CPNE8: variants seen among roughly 807,000 people sequenced by gnomAD.
CPNE8 encodes copine 8.
CPNE8 carries 45 observed loss-of-function variants against 81.5 expected under a neutral mutation model. The ratio of observed to expected loss-of-function variants is 0.55; its 90% CI spans 0.44 to 0.71. The LOEUF (loss-of-function observed/expected upper bound fraction) is 0.71, where lower values mean the gene tolerates loss of function less well. Among genes scored for constraint, CPNE8 ranks in the 30% least tolerant of loss-of-function variants. The pLI, the probability that CPNE8 is intolerant of heterozygous loss-of-function variation, is 0.00. For synonymous variants in CPNE8, 252 were observed against 226.3 expected (o/e 1.11, Z -1.02); for missense variants, 594 against 672.1 (o/e 0.88, Z 1.28).
intron 10 of CPNE8, among the ~76,000 whole-genome samples, chr12:38,730,635 A>G (rs1218755845): frequency 6.6e-6 from 1 of 151,678 alleles, no homozygotes; most frequent in East Asian, 1.9e-4. Flanking sequence ...TTGATAACAC[A>G]TTTCTCAAAA....
At chr12:38,658,504 A>C (rs1046842173) in intron 19 of CPNE8, among the ~76,000 whole-genome samples, 1 of 152,234 alleles carries the variant, frequency 6.6e-6, no homozygotes, top group African/African-American at 2.4e-5. Context: ...GAACTTCCCC[A>C]ACCTAGCAAG....
chr12:38,742,922 T>C (rs995714358), intron 10 of CPNE8, among the ~76,000 whole-genome samples: 1 of 151,876 alleles, frequency 6.6e-6, no homozygotes, highest in Non-Finnish European at 1.5e-5. Flanking sequence ...ATGTTTATAA[T>C]AGTTTATTTC....
At chr12:38,772,661 T>C (rs1941828367) in intron 7 of CPNE8, among the ~76,000 whole-genome samples, 1 of 152,158 alleles carries the variant, frequency 6.6e-6, no homozygotes, top group Non-Finnish European at 1.5e-5. Flanking sequence ...TTGTACACTG[T>C]TGCTAGGAAT....
chr12:38,843,854 G>A (rs1330160398), intron 4 of CPNE8, among the ~76,000 whole-genome samples: 1 of 152,040 alleles, frequency 6.6e-6, no homozygotes, highest in Non-Finnish European at 1.5e-5. Flanking sequence ...AAGGAGCTGG[G>A]CAATAGCTCC....
intron 1 of CPNE8, among the ~76,000 whole-genome samples, chr12:38,882,237 A>C (rs1346072687): frequency 6.6e-6 from 1 of 152,202 alleles, no homozygotes; most frequent in Admixed American, 6.5e-5. Context: ...GAGATTTGAC[A>C]CTTACAGAAG....
intron 16 of CPNE8, among the ~76,000 whole-genome samples, chr12:38,680,626 T>G (rs1330962568): frequency 6.6e-6 from 1 of 152,050 alleles, no homozygotes; most frequent in Non-Finnish European, 1.5e-5. Flanking sequence ...ATGTATCTAT[T>G]TTATCATCAG....
Position 38,776,286 on chromosome 12 carries a change from C to T in CPNE8, c.423G>A (p.Lys141=). The stretch of plus-strand genomic sequence containing the variant: ...CTGTAAGTATGATTGTACCACATTT[C>T]TTCCCTGGAATTCCTCTAAAACAAC... The part of the protein sequence containing the change: ...LEKPIVGIPG[K]KCGTIILTAE... The change falls in exon 7 of 20, where the codon AAG becomes AAA. Residue 141 remains lysine (K), a synonymous_variant. Transcript: ENST00000331366. The T allele has an allele frequency of 6.5e-7, 1 of 1,534,054 alleles. No individual in the cohort carries two copies. Among genetic ancestry groups the T allele is most frequent in the Non-Finnish European group, 8.9e-7 (1 of 1,128,704 alleles).
intron 3 of CPNE8, among the ~76,000 whole-genome samples, chr12:38,870,543 C>G (rs1396750829): frequency 6.6e-6 from 1 of 152,106 alleles, no homozygotes; most frequent in Admixed American, 6.5e-5. Context: ...AACACAGGAA[C>G]AGAAAACTAA....
chr12:38,787,988 A>AAAG (rs1942235398), intron 6 of CPNE8, among the ~76,000 whole-genome samples: 1 of 150,512 alleles, frequency 6.6e-6, no homozygotes, highest in African/African-American at 2.4e-5. Context: ...AAAAAAAAAA[A>AAAG]AAAGCCCAGG....
chr12:38,799,640 GA>G (rs1265729042), intron 6 of CPNE8, among the ~76,000 whole-genome samples: 2 of 152,146 alleles, frequency 1.3e-5, no homozygotes, highest in Non-Finnish European at 2.9e-5. Context: ...AAAAGAACTA[GA>G]AAAGTGGAGG....
At chr12:38,876,762 C>T (rs1345173399) in intron 1 of CPNE8, among the ~76,000 whole-genome samples, 5 of 152,082 alleles carry the variant, frequency 3.3e-5, no homozygotes, top group Admixed American at 6.6e-5. Context: ...TTATCTCTGA[C>T]AGGTTGAATT....
At chr12:38,906,564 C>A, upstream of CPNE8, 11 of 985,574 alleles carry the variant, frequency 1.1e-5, no homozygotes, top group Non-Finnish European at 1.3e-5. Context: ...TCAGCCGACT[C>A]CCACCCGCAA....
At position 38,845,842 on chromosome 12, in the gene CPNE8, G is replaced by A. The variant is rs148614365; in HGVS notation, c.290+2717C>T. On this transcript the variant is annotated intron_variant, in intron 4 of 19. Coordinates refer to ENST00000331366, the MANE Select transcript of CPNE8 (RefSeq NM_153634.3). The stretch of plus-strand genomic sequence containing the variant: ...TACTCCTCTTGATGATCTTCTGCAG[G>A]TAACCCTTTCTAGCCCTAATTGTTT... 5.0e-3 allele frequency among the ~76,000 whole-genome samples: 767 copies of A among 152,258 alleles called. 9 individuals carry two copies. Among genetic ancestry groups the A allele is most frequent in the African/African-American group, 0.017 (703 of 41,556 alleles).
chr12:38,664,724 C>T (rs1481600538), intron 19 of CPNE8, among the ~76,000 whole-genome samples: 1 of 152,084 alleles, frequency 6.6e-6, no homozygotes, highest in Non-Finnish European at 1.5e-5. Context: ...ACACACAGTT[C>T]TACTCTTCTT....
chr12:38,713,463 G>A (rs988279620), intron 13 of CPNE8, among the ~76,000 whole-genome samples: 10 of 152,154 alleles, frequency 6.6e-5, no homozygotes, highest in African/African-American at 2.2e-4. Flanking sequence ...TGGTCCATCT[G>A]TTTTATCTGA....
chr12:38,846,737 A>G (rs1485483588), intron 4 of CPNE8, among the ~76,000 whole-genome samples: 1 of 152,096 alleles, frequency 6.6e-6, no homozygotes, highest in Non-Finnish European at 1.5e-5. Context: ...GCATCCTATA[A>G]TCCTAAAATT....
At chr12:38,789,295 C>T (rs2136924327) in intron 6 of CPNE8, among the ~76,000 whole-genome samples, 1 of 151,912 alleles carries the variant, frequency 6.6e-6, no homozygotes, top group South Asian at 2.1e-4. Context: ...AGAAACCAAC[C>T]TATACACCTC....
At chr12:38,795,961 T>A (rs1356423824) in intron 6 of CPNE8, among the ~76,000 whole-genome samples, 3 of 152,034 alleles carry the variant, frequency 2.0e-5, no homozygotes, top group Non-Finnish European at 4.4e-5. Flanking sequence ...CTGTGTAACA[T>A]TTTAAAATCC....
intron 4 of CPNE8, among the ~76,000 whole-genome samples, chr12:38,847,502 T>C (rs1162131040): frequency 6.6e-6 from 1 of 152,186 alleles, no homozygotes; most frequent in Non-Finnish European, 1.5e-5. Context: ...TCAGTTTCTC[T>C]TCCAATGAGC....
Sources: gnomAD v4.1 joint callset for allele counts (sites outside exome capture counted in the v4.1 genomes callset) on GRCh38, gnomAD v4.1.1 for gene constraint, MANE v1.5 for transcripts, NCBI Gene and HGNC (gene_info 2026-07-23, HGNC 2026-07-21) for gene names.